EPB41L4B: variants seen among roughly 807,000 people sequenced by gnomAD.
EPB41L4B encodes band 4.1-like protein 4B.
In EPB41L4B, 30 loss-of-function variants were observed where a neutral mutation model predicts 112.5. The observed-to-expected ratio is 0.27, with a 90% CI of 0.20 to 0.36. The LOEUF (loss-of-function observed/expected upper bound fraction) is 0.36. Ranked by LOEUF, EPB41L4B falls within the 10% of genes least tolerant of loss-of-function variation. EPB41L4B has a pLI of 1.00. For synonymous variants in EPB41L4B, 408 were observed against 439.7 expected, an observed-to-expected ratio of 0.93 and a Z score of 0.90; for missense variants, 1,024 against 1,133.3, an observed-to-expected ratio of 0.90 and a Z score of 1.38.
At chr9:109,304,271 C>T (rs1235955310) in intron 1 of EPB41L4B, among the ~76,000 whole-genome samples, 2 of 152,182 alleles carry the variant, frequency 1.3e-5, no homozygotes, top group African/African-American at 4.8e-5. Flanking sequence ...AGACTCATTC[C>T]TCAACATTTC....
At chr9:109,238,548 G>A (rs890938747) in intron 15 of EPB41L4B, among the ~76,000 whole-genome samples, 7 of 152,122 alleles carry the variant, frequency 4.6e-5, no homozygotes, top group African/African-American at 1.7e-4. Context: ...AGGTGCTGGG[G>A]AACAAAGGCA....
chr9:109,212,605 C>T (rs566561264), intron 17 of EPB41L4B, among the ~76,000 whole-genome samples: 1 of 152,214 alleles, frequency 6.6e-6, no homozygotes, highest in Admixed American at 6.5e-5. Flanking sequence ...GGAGGTGTAA[C>T]CTTCCCATGC....
rs540726964 is a variant in EPB41L4B at position 109,251,347 on chromosome 9, G to A, written c.1310+134C>T. ...AAAGCCATGAGCATGGAATAGCCAG[G>A]CAGCAGAAAAAGGGGAAAAAAATTA... On this transcript the variant is annotated intron_variant, in intron 13 of 25. Coordinates refer to ENST00000374566, the MANE Select transcript of EPB41L4B (RefSeq NM_019114.5). The A allele has an allele frequency of 3.7e-6, 3 of 818,462 alleles. No individual in the cohort carries two copies. In the East Asian group the frequency reaches 7.3e-5, roughly 20 times the overall value. 50.7% of individuals were successfully genotyped at this position (818,462 alleles called of 1,614,324 possible).
At chr9:109,283,207 G>T (rs555439536) in intron 1 of EPB41L4B, among the ~76,000 whole-genome samples, 38 of 152,182 alleles carry the variant, frequency 2.5e-4, no homozygotes, top group Non-Finnish European at 5.0e-4. Flanking sequence ...TACACTAAGG[G>T]CTTCTGGGCG....
chr9:109,226,500 T>A (rs1470519952), intron 15 of EPB41L4B, among the ~76,000 whole-genome samples: 1 of 151,680 alleles, frequency 6.6e-6, no homozygotes, highest in African/African-American at 2.4e-5. Context: ...AGCCCTTGTA[T>A]AACCAATTCC....
At chr9:109,250,431 G>A (rs954900430) in intron 13 of EPB41L4B, among the ~76,000 whole-genome samples, 4 of 152,166 alleles carry the variant, frequency 2.6e-5, no homozygotes, top group South Asian at 2.1e-4. Context: ...CCTCTCAGCC[G>A]CCTTGAGACC....
Position 109,269,584 on chromosome 9 carries a change from C to T in EPB41L4B, c.412-1151G>A, listed in dbSNP as rs562360995. On this transcript the variant is annotated intron_variant, in intron 2 of 25. Transcript: ENST00000374566. Reference sequence around the variant, plus strand: ...GGCACAAGATATGGCACCCAGCAGGCCCCTGTTAAGACTCTTGAGAAATAA... The same window carrying T: ...GGCACAAGATATGGCACCCAGCAGGTCCCTGTTAAGACTCTTGAGAAATAA... 3.3e-4 allele frequency among the ~76,000 whole-genome samples: 50 copies of T among 152,202 alleles called. 1 individual carries two copies. In the South Asian group the frequency reaches 0.01, roughly 31 times the overall value.
At chr9:109,256,372 T>C (rs756847655) in intron 8 of EPB41L4B, 21 bp downstream of exon 8, 1 of 1,611,096 alleles carries the variant, frequency 6.2e-7, no homozygotes, top group East Asian at 2.2e-5. Flanking sequence ...ACCAAATTAC[T>C]TAAACGCACA....
At chr9:109,193,039 T>G (rs1832515815) in intron 21 of EPB41L4B, among the ~76,000 whole-genome samples, 1 of 152,100 alleles carries the variant, frequency 6.6e-6, no homozygotes, top group East Asian at 1.9e-4. Flanking sequence ...AACCACAGTG[T>G]GGGATATGTG....
In EPB41L4B at chr9:109,320,212, C is replaced by A; in HGVS notation, c.235G>T (p.Gly79Cys). 1 of 1,427,478 alleles carries A rather than the reference C, an allele frequency of 7.0e-7. No homozygotes were observed. The highest frequency in any genetic ancestry group is 3.0e-5 in the East Asian group (1 of 33,072). 88.4% of individuals were successfully genotyped at this position (1,427,478 alleles called of 1,614,324 possible). ...CAGTAGAGGGTGGCCTTGGCGGCGC[C>A]GGCGGCGGAGATGTGCACGGCCGCG... is the stretch of plus-strand genomic sequence containing the variant. ...GGAAVHISAA[G>C]AAKATLYCRV... The change falls in exon 1 of 26, where the codon GGC (glycine) becomes TGC (cysteine). Residue 79 changes from glycine (G) to cysteine (C), a missense_variant. Coordinates refer to ENST00000374566, the MANE Select transcript of EPB41L4B (RefSeq NM_019114.5).
At chr9:109,185,468 T>A in intron 23 of EPB41L4B, 21 bp downstream of exon 23, 1 of 1,607,292 alleles carries the variant, frequency 6.2e-7, no homozygotes, top group Non-Finnish European at 8.5e-7. Flanking sequence ...GCCAGGCCCC[T>A]CTCCCTGCCA....
chr9:109,298,861 T>C (rs1214778938), intron 1 of EPB41L4B, among the ~76,000 whole-genome samples: 1 of 152,160 alleles, frequency 6.6e-6, no homozygotes, highest in Admixed American at 6.5e-5. Context: ...CCAGGTATTG[T>C]CCAAAAGTAT....
At chr9:109,209,427 G>A (rs913180798) in intron 17 of EPB41L4B, among the ~76,000 whole-genome samples, 3 of 151,874 alleles carry the variant, frequency 2.0e-5, no homozygotes, top group East Asian at 1.9e-4. Context: ...TTGGGAGGCC[G>A]GGGCGGGTGG....
At chr9:109,252,439 T>A (rs1231549310) in intron 12 of EPB41L4B, among the ~76,000 whole-genome samples, 4 of 152,122 alleles carry the variant, frequency 2.6e-5, no homozygotes, top group Non-Finnish European at 5.9e-5. Flanking sequence ...CTGGCCTCTC[T>A]CGAAGGGCAG....
At chr9:109,229,784 T>C (rs1488456565) in intron 15 of EPB41L4B, among the ~76,000 whole-genome samples, 2 of 152,176 alleles carry the variant, frequency 1.3e-5, no homozygotes, top group Non-Finnish European at 2.9e-5. Context: ...AACCATTTAT[T>C]CTCCCAGTCC....
intron 20 of EPB41L4B, among the ~76,000 whole-genome samples, chr9:109,199,228 G>A (rs1180836646): frequency 1.3e-5 from 2 of 152,146 alleles, no homozygotes; most frequent in Non-Finnish European, 2.9e-5. Flanking sequence ...TTGACAGACG[G>A]GGCTGCCTTT....
rs1398088335 is a variant in EPB41L4B at position 109,249,695 on chromosome 9, A to G, written c.1310+1786T>C. 2.0e-5 allele frequency among the ~76,000 whole-genome samples: 3 copies of G among 152,090 alleles called. No homozygotes were observed. The East Asian group carries it at 5.8e-4, about 29-fold the overall frequency. ...AAGCAAGACACCCCGACAAGCTAAG[A>G]AAGGTACAGATACCATTTGGCATAC... is the stretch of plus-strand genomic sequence containing the variant. On this transcript the variant is annotated intron_variant, in intron 13 of 25. Coordinates refer to ENST00000374566, the MANE Select transcript of EPB41L4B (RefSeq NM_019114.5).
At chr9:109,221,203 A>G (rs1163479359) in intron 15 of EPB41L4B, among the ~76,000 whole-genome samples, 3 of 151,796 alleles carry the variant, frequency 2.0e-5, no homozygotes, top group East Asian at 1.9e-4. Flanking sequence ...CAGGTGTTCC[A>G]TAAATATTTG....
intron 13 of EPB41L4B, among the ~76,000 whole-genome samples, chr9:109,250,939 A>G (rs1360471927): frequency 6.6e-6 from 1 of 152,238 alleles, no homozygotes; most frequent in African/African-American, 2.4e-5. Context: ...TGAAAGACAC[A>G]GCAGAGCCTG....
Sources: gnomAD v4.1 joint callset for allele counts (sites outside exome capture counted in the v4.1 genomes callset) on GRCh38, gnomAD v4.1.1 for gene constraint, MANE v1.5 for transcripts, NCBI Gene and HGNC (gene_info 2026-07-23, HGNC 2026-07-21) for gene names.